Variants in GREB1 observed in about 807,000 individuals in gnomAD.
GREB1 encodes the protein growth regulating estrogen receptor binding 1.
In GREB1, 106 loss-of-function variants were observed where a neutral mutation model predicts 200.7. That is an observed-to-expected ratio of 0.53 (90% confidence interval 0.45 to 0.62). GREB1 has a LOEUF of 0.62. Ranked by LOEUF, GREB1 falls within the 20% of genes least tolerant of loss-of-function variation. GREB1 has a pLI of 0.00. For missense variants in GREB1, 2,243 were observed against 2,556.8 expected (o/e 0.88, Z 2.65); for synonymous variants, 1,132 against 1,092.4 (o/e 1.04, Z -0.72).
At chr2:11,485,978 G>A (rs1467782496) in intron 1 of GREB1, among the ~76,000 whole-genome samples, 1 of 152,190 alleles carries the variant, frequency 6.6e-6, no homozygotes, top group African/African-American at 2.4e-5. Flanking sequence ...AGGATTGAGA[G>A]TGACCAGGAC....
chr2:11,593,150 C>T (rs111758720), intron 11 of GREB1, 24 bp downstream of exon 11: 3 of 1,481,012 alleles, frequency 2.0e-6, no homozygotes, highest in Non-Finnish European at 2.8e-6. Context: ...CGCGCGGCTG[C>T]GGGAAAGCCC....
Position 11,640,657 on chromosome 2 carries a change from C to G in GREB1, c.*203C>G. 1.7e-6 allele frequency: 1 copy of G among 578,656 alleles called. No homozygotes were observed. The highest frequency in any genetic ancestry group is 3.0e-5 in the East Asian group (1 of 33,138). The allele number at this position is 578,656 out of a possible 1,614,324, so 35.8% of individuals were successfully genotyped here. A position where few individuals can be genotyped will look rare whatever the true frequency, so the allele number is the denominator to read the frequency against. On this transcript the variant is annotated 3_prime_UTR_variant, in exon 33 of 33. Coordinates refer to ENST00000381486, the MANE Select transcript of GREB1 (RefSeq NM_014668.4). The surrounding 1 kb of genome is among the most constrained non-coding windows in gnomAD (Gnocchi z 4.6). Reference sequence around the variant, plus strand: ...ACTCCGCAGTGGGTGAGAATGAAAACTTGAGACTCCCAAGTTCTGGGCCAG... The same window carrying G: ...ACTCCGCAGTGGGTGAGAATGAAAAGTTGAGACTCCCAAGTTCTGGGCCAG...
chr2:11,584,170 T>C (rs1400796570), intron 7 of GREB1, among the ~76,000 whole-genome samples: 1 of 152,222 alleles, frequency 6.6e-6, no homozygotes, highest in East Asian at 1.9e-4. Flanking sequence ...AGTTTCCCGG[T>C]TGAGTTTAAT....
At position 11,641,150 on chromosome 2, in the gene GREB1, A is replaced by C; in HGVS notation, c.*696A>C. 1 of 139,782 alleles carries C rather than the reference A, an allele frequency of 7.2e-6. No homozygotes were observed. Among genetic ancestry groups the C allele is most frequent in the South Asian group, 2.7e-4 (1 of 3,678 alleles). 8.7% of individuals were successfully genotyped at this position (139,782 alleles called of 1,614,324 possible). On this transcript the variant is annotated 3_prime_UTR_variant, in exon 33 of 33. Coordinates refer to ENST00000381486, the MANE Select transcript of GREB1 (RefSeq NM_014668.4). ...AACTAAAAGGGTTTTTTGGGGGGGGAGTTGGCGGGGAGGAAATAAGGCTAA... is the reference window on the plus strand; with the variant it reads ...AACTAAAAGGGTTTTTTGGGGGGGGCGTTGGCGGGGAGGAAATAAGGCTAA...
In GREB1 at chr2:11,548,275, C is replaced by G. The variant is rs1675482117; in HGVS notation, c.-161-8179C>G. On this transcript the variant is annotated intron_variant, in intron 1 of 32. Transcript: ENST00000381486. The surrounding 1 kb of genome is among the most constrained non-coding windows in gnomAD (Gnocchi z 5.1). ...ACATATGTGCACACACATGTACAGC[C>G]AGACACATGCACACACGTGCACATA... Among the ~76,000 whole-genome samples the G allele has an allele frequency of 1.8e-5, 1 of 55,748 alleles. No homozygotes were observed. The highest frequency in any genetic ancestry group is 3.2e-5 in the Non-Finnish European group (1 of 31,302). The allele number at this position is 55,748 out of a possible 152,430, so 36.6% of individuals were successfully genotyped here. A position where few individuals can be genotyped will look rare whatever the true frequency, so the allele number is the denominator to read the frequency against.
At position 11,586,628 on chromosome 2, in the gene GREB1, C is replaced by T. The variant is rs1455657144; in HGVS notation, c.1159+723C>T. On this transcript the variant is annotated intron_variant, in intron 9 of 32. Coordinates refer to ENST00000381486, the MANE Select transcript of GREB1 (RefSeq NM_014668.4). Reference sequence around the variant, plus strand: ...GGGCACGGCACACACACACCGTGCACGCAGGCCCCTCTTAAATACGTTATT... The same window carrying T: ...GGGCACGGCACACACACACCGTGCATGCAGGCCCCTCTTAAATACGTTATT... Among the ~76,000 whole-genome samples the T allele has an allele frequency of 3.3e-5, 5 of 152,170 alleles. No individual in the cohort carries two copies. In the South Asian group the frequency reaches 6.2e-4, roughly 19 times the overall value.
intron 5 of GREB1, 36 bp from the exon 6 acceptor site, chr2:11,578,261 C>T (rs1558574086): frequency 6.9e-6 from 11 of 1,592,098 alleles, no homozygotes; most frequent in South Asian, 2.2e-5. Flanking sequence ...TGGAGAAGAG[C>T]GAGTTGGTTT....
intron 1 of GREB1, among the ~76,000 whole-genome samples, chr2:11,490,577 C>T (rs1051385275): frequency 4.6e-5 from 7 of 152,182 alleles, no homozygotes; most frequent in African/African-American, 1.7e-4. Flanking sequence ...GAGACAGAGT[C>T]TCACTCTGTT....
At chr2:11,617,096 C>T (rs902018641) in intron 21 of GREB1, among the ~76,000 whole-genome samples, 7 of 152,180 alleles carry the variant, frequency 4.6e-5, no homozygotes, top group Admixed American at 1.3e-4. Flanking sequence ...AGGAGCTGAG[C>T]GCAAGGAGAG....
intron 1 of GREB1, among the ~76,000 whole-genome samples, chr2:11,547,181 G>T (rs1188774279): frequency 6.6e-6 from 1 of 152,204 alleles, no homozygotes; most frequent in Non-Finnish European, 1.5e-5. Flanking sequence ...GACCTCAAGT[G>T]ATCCGCCTGC....
intron 23 of GREB1, among the ~76,000 whole-genome samples, chr2:11,621,317 A>G (rs1199134163): frequency 6.6e-6 from 1 of 152,190 alleles, no homozygotes; most frequent in Non-Finnish European, 1.5e-5. Context: ...TAGATGTTCC[A>G]TTCTCCTGAT....
intron 4 of GREB1, among the ~76,000 whole-genome samples, chr2:11,575,250 GC>G (rs1678728050): frequency 6.6e-6 from 1 of 152,228 alleles, no homozygotes; most frequent in African/African-American, 2.4e-5. Flanking sequence ...AGACCTTTGA[GC>G]CCAAAGAAAC....
chr2:11,528,940 A>G (rs1338635577), intron 1 of GREB1, among the ~76,000 whole-genome samples: 1 of 152,214 alleles, frequency 6.6e-6, no homozygotes, highest in African/African-American at 2.4e-5. Context: ...GCAGAGTTGC[A>G]TTGCAGCAGT....
chr2:11,534,726 GT>G (rs1674213647), intron 1 of GREB1, among the ~76,000 whole-genome samples: 1 of 152,216 alleles, frequency 6.6e-6, no homozygotes, highest in African/African-American at 2.4e-5. Context: ...AGAGGGGGAT[GT>G]GTGCTTCTTC....
chr2:11,598,230 C>T (rs1681442924), intron 14 of GREB1, among the ~76,000 whole-genome samples: 1 of 152,244 alleles, frequency 6.6e-6, no homozygotes, highest in African/African-American at 2.4e-5. Flanking sequence ...ATGTTGCTAT[C>T]TAGCGTCACT....
intron 5 of GREB1, among the ~76,000 whole-genome samples, chr2:11,577,088 G>C (rs1459200188): frequency 6.6e-6 from 1 of 152,090 alleles, no homozygotes; most frequent in Non-Finnish European, 1.5e-5. Flanking sequence ...GAGGGCCAGA[G>C]TGTGCATTAC....
Position 11,634,241 on chromosome 2 carries a change from G to A in GREB1, c.5102G>A (p.Ser1701Asn). 1 of 1,614,206 alleles carries A rather than the reference G, an allele frequency of 6.2e-7. No homozygotes were observed. Residue 1701 changes from serine (S) to asparagine (N), a missense_variant, in exon 29 of 33, where the codon AGC (serine) becomes AAC (asparagine). Transcript: ENST00000381486. ...YALLGLRKWS[S>N]KTRASEVQEP... ...CTGCTGGGCCTGCGGAAGTGGTCCA[G>A]CAAGACCCGGGCCAGCGAGGTGCAA...
chr2:11,523,276 G>A (rs554440761), intron 1 of GREB1, among the ~76,000 whole-genome samples: 16 of 152,024 alleles, frequency 1.1e-4, no homozygotes, highest in African/African-American at 3.9e-4. Context: ...ATAACTATTG[G>A]GTACTAGACT....
At chr2:11,619,033 C>T (rs1311676073) in intron 22 of GREB1, 114 bp downstream of exon 22, 15 of 1,051,084 alleles carry the variant, frequency 1.4e-5, no homozygotes, top group Middle Eastern at 3.1e-4. Flanking sequence ...TCACCCTTCC[C>T]GTGGTGGAAT....
Sources: allele counts gnomAD v4.1 joint callset (sites outside exome capture counted in the v4.1 genomes callset), GRCh38; gene constraint gnomAD v4.1.1; non-coding constraint Gnocchi (gnomAD v3.1); transcripts MANE v1.5; gene names NCBI Gene and HGNC (gene_info 2026-07-23, HGNC 2026-07-21).